Variants in PPP1R9A observed in about 807,000 individuals in gnomAD.
PPP1R9A encodes the protein neurabin-1.
PPP1R9A carries 59 observed loss-of-function variants against 141.9 expected under a neutral mutation model. The observed-to-expected ratio is 0.42, with a 90% confidence interval of 0.34 to 0.52. The LOEUF is 0.52. Among genes scored for constraint, PPP1R9A ranks in the 20% least tolerant of loss-of-function variants. The pLI is 0.10. For missense variants in PPP1R9A, 1,444 were observed against 1,611.9 expected, an observed-to-expected ratio of 0.90 and a Z score of 1.78; for synonymous variants, 500 against 569.7, an observed-to-expected ratio of 0.88 and a Z score of 1.74.
chr7:94,964,151 G>A (rs1426283383), intron 2 of PPP1R9A, among the ~76,000 whole-genome samples: 1 of 152,034 alleles, frequency 6.6e-6, no homozygotes, highest in Admixed American at 6.6e-5. Flanking sequence ...CTGGGTTAGG[G>A]TTGCCCAAAC....
intron 2 of PPP1R9A, among the ~76,000 whole-genome samples, chr7:95,074,358 C>G (rs1002943501): frequency 6.6e-6 from 1 of 151,904 alleles, no homozygotes; most frequent in African/African-American, 2.4e-5. Flanking sequence ...TGAAACAATG[C>G]TGCAAAGACC....
chr7:95,189,929 T>C (rs997535026), intron 5 of PPP1R9A, among the ~76,000 whole-genome samples: 2 of 152,180 alleles, frequency 1.3e-5, no homozygotes, highest in African/African-American at 4.8e-5. Flanking sequence ...TCTGTTTTTC[T>C]GGAGCATTTT....
intron 7 of PPP1R9A, among the ~76,000 whole-genome samples, chr7:95,219,959 G>A (rs970848122): frequency 2.6e-5 from 4 of 152,092 alleles, no homozygotes; most frequent in East Asian, 1.9e-4. Context: ...TAATCATAAC[G>A]TCATGCAGTC....
At chr7:95,002,599 A>T (rs1484287503) in intron 2 of PPP1R9A, among the ~76,000 whole-genome samples, 2 of 152,138 alleles carry the variant, frequency 1.3e-5, no homozygotes, top group African/African-American at 4.8e-5. Flanking sequence ...AATATACAGA[A>T]TTGAAAAATA....
intron 7 of PPP1R9A, among the ~76,000 whole-genome samples, chr7:95,210,470 A>T (rs919578885): frequency 6.7e-5 from 10 of 149,042 alleles, no homozygotes; most frequent in Non-Finnish European, 9.0e-5. Flanking sequence ...GTTCAAAAAA[A>T]TTTTTTTTTT....
chr7:94,996,412 A>T (rs1438280237), intron 2 of PPP1R9A, among the ~76,000 whole-genome samples: 1 of 152,216 alleles, frequency 6.6e-6, no homozygotes, highest in Non-Finnish European at 1.5e-5. Flanking sequence ...TCATGTATGT[A>T]TCTGACAAAA....
At chr7:95,116,310 C>T (rs886936006) in intron 3 of PPP1R9A, among the ~76,000 whole-genome samples, 1 of 152,040 alleles carries the variant, frequency 6.6e-6, no homozygotes, top group Admixed American at 6.6e-5. Context: ...TCATCTTTTG[C>T]TGATATATTC....
At chr7:95,223,274 A>G (rs1021769400) in intron 7 of PPP1R9A, among the ~76,000 whole-genome samples, 4 of 152,062 alleles carry the variant, frequency 2.6e-5, no homozygotes, top group Non-Finnish European at 5.9e-5. Flanking sequence ...AGAATCAAGA[A>G]GAACGCTTAA....
At position 95,049,887 on chromosome 7, in the gene PPP1R9A, C is replaced by T. The variant is rs149842100; in HGVS notation, c.1396-61372C>T. On this transcript the variant is annotated intron_variant, in intron 2 of 19. Transcript: ENST00000433360. ...TTAGCTCTGAATAGTATTCCATTTT[C>T]TGAGTATACCACAGTTTATCCATTC... is the stretch of plus-strand genomic sequence containing the variant. Among the ~76,000 whole-genome samples, 244 of 152,262 alleles carry T rather than the reference C, an allele frequency of 1.6e-3. 2 individuals are homozygous for T. Among genetic ancestry groups the T allele is most frequent in the African/African-American group, 5.3e-3 (222 of 41,536 alleles).
At chr7:95,142,370 A>C (rs909633826) in intron 4 of PPP1R9A, among the ~76,000 whole-genome samples, 1 of 152,110 alleles carries the variant, frequency 6.6e-6, no homozygotes, top group Middle Eastern at 3.4e-3. Flanking sequence ...AGTTCAATTC[A>C]TCTAGTTTTT....
chr7:95,073,624 G>GTTTTTTTTTTTTTT (rs36077129), intron 2 of PPP1R9A, among the ~76,000 whole-genome samples: 2 of 105,558 alleles, frequency 1.9e-5, no homozygotes, highest in Admixed American at 1.1e-4. Context: ...AAAGAAATAA[G>GTTTTTTTTTTTTTT]TTTTTTTTTT....
In PPP1R9A at chr7:95,152,038, A is replaced by C. The variant is rs145846477; in HGVS notation, c.1650-9829A>C. ...ACAATCTTGGCTCACTGCAACCTCC[A>C]CCTCCCAGGTTCAAGCAATTCTCCT... On this transcript the variant is annotated intron_variant, in intron 4 of 19. Transcript: ENST00000433360. Among the ~76,000 whole-genome samples, 1,144 of 124,866 alleles carry C rather than the reference A, an allele frequency of 9.2e-3. 14 individuals carry two copies. Among genetic ancestry groups the C allele is most frequent in the African/African-American group, 0.034 (1,087 of 32,254 alleles). The allele number at this position is 124,866 out of a possible 152,430, so 81.9% of individuals were successfully genotyped here.
At chr7:95,131,327 C>G (rs995259813) in intron 4 of PPP1R9A, among the ~76,000 whole-genome samples, 1 of 152,158 alleles carries the variant, frequency 6.6e-6, no homozygotes, top group African/African-American at 2.4e-5. Context: ...TCACCTTCCG[C>G]CATGATTGTG....
intron 11 of PPP1R9A, 49 bp downstream of exon 11, chr7:95,251,907 C>T (rs1045550484): frequency 6.2e-7 from 1 of 1,609,300 alleles, no homozygotes; most frequent in Admixed American, 1.7e-5. Context: ...TTTTGCTGTA[C>T]TTGGAGGGGA....
At chr7:95,149,084 T>A (rs1242403279) in intron 4 of PPP1R9A, among the ~76,000 whole-genome samples, 3 of 151,996 alleles carry the variant, frequency 2.0e-5, no homozygotes, top group African/African-American at 7.2e-5. Flanking sequence ...TATAGAAGGC[T>A]GGTTCAACAT....
rs566118183 is a variant in PPP1R9A, at chr7:95,044,512, T to C, written c.1396-66747T>C. Among the ~76,000 whole-genome samples the C allele has an allele frequency of 1.9e-3, 286 of 150,772 alleles. 2 individuals are homozygous for C. The highest frequency in any genetic ancestry group is 6.5e-3 in the African/African-American group (268 of 41,262). ...TCTTGAAAAGTAAGGGACTATACAA[T>C]CAATAAGCTGATATTATTAACTATT... On this transcript the variant is annotated intron_variant, in intron 2 of 19. Coordinates refer to ENST00000433360, the MANE Select transcript of PPP1R9A (RefSeq NM_001166160.2).
chr7:95,254,716 C>G (rs1289126029), intron 12 of PPP1R9A, among the ~76,000 whole-genome samples: 1 of 152,040 alleles, frequency 6.6e-6, no homozygotes, highest in Middle Eastern at 3.2e-3. Context: ...GGAAGGCAAG[C>G]TAAGGAGGAA....
intron 1 of PPP1R9A, among the ~76,000 whole-genome samples, chr7:94,909,468 A>G (rs1019984663): frequency 2.0e-5 from 3 of 152,216 alleles, no homozygotes; most frequent in Non-Finnish European, 2.9e-5. Flanking sequence ...CTTAGAAAGA[A>G]TAAGTTCTAC....
intron 2 of PPP1R9A, among the ~76,000 whole-genome samples, chr7:95,066,730 T>G (rs1363080113): frequency 6.6e-6 from 1 of 151,528 alleles, no homozygotes; most frequent in East Asian, 1.9e-4. Context: ...ATCCAGGAGG[T>G]CCAACATCCA....
Sources: gnomAD v4.1 joint callset for allele counts (sites outside exome capture counted in the v4.1 genomes callset) on GRCh38, gnomAD v4.1.1 for gene constraint, MANE v1.5 for transcripts, NCBI Gene and HGNC (gene_info 2026-07-23, HGNC 2026-07-21) for gene names.